The following ABCA13 variants were observed in gnomAD, a reference collection of about 807,000 sequenced individuals.
ABCA13 encodes the protein ATP binding cassette subfamily A member 13.
In ABCA13, 476 loss-of-function variants were observed where a neutral mutation model predicts 478.7. The observed-to-expected ratio is 0.99, with a 90% CI of 0.92 to 1.07. The LOEUF (loss-of-function observed/expected upper bound fraction) is 1.07, where lower values mean the gene tolerates loss of function less well. ABCA13 is among the 50% of genes least tolerant of loss of function. The pLI is 0.00. For synonymous variants in ABCA13, 2,252 were observed against 2,158.9 expected (o/e 1.04, Z -1.20); for missense variants, 6,060 against 5,910.6 (o/e 1.03, Z -0.83).
chr7:48,402,771 C>T (rs1308398177), intron 38 of ABCA13, among the ~76,000 whole-genome samples: 4 of 152,218 alleles, frequency 2.6e-5, no homozygotes, highest in African/African-American at 9.7e-5. Context: ...TCCTCTTCTG[C>T]CTGTCTAGCC....
intron 48 of ABCA13, among the ~76,000 whole-genome samples, chr7:48,492,462 A>G (rs1465601428): frequency 1.3e-5 from 2 of 152,206 alleles, no homozygotes; most frequent in African/African-American, 2.4e-5. Context: ...TCAAGCATTC[A>G]TATAATGACA....
intron 15 of ABCA13, among the ~76,000 whole-genome samples, chr7:48,254,291 T>G (rs972661947): frequency 1.3e-5 from 2 of 152,020 alleles, no homozygotes; most frequent in African/African-American, 4.8e-5. Context: ...AGAGGTAGAG[T>G]CTCACTCTAT....
At chr7:48,202,985 T>C (rs112013555) in intron 3 of ABCA13, among the ~76,000 whole-genome samples, 61,862 of 151,114 alleles carry the variant, frequency 0.41, 12,776 homozygotes, top group African/African-American at 0.49. Context: ...CGGGGAGGCT[T>C]GGGCTGCACA....
Position 48,275,732 on chromosome 7 carries a change from A to C in ABCA13, c.6066A>C (p.Leu2022=). 6.2e-7 allele frequency: 1 copy of C among 1,605,854 alleles called. No individual in the cohort carries two copies. The highest frequency in any genetic ancestry group is 1.3e-5 in the African/African-American group (1 of 74,888). The change falls in exon 17 of 62, where the codon CTA becomes CTC. Residue 2022 remains leucine (L), a synonymous_variant. Coordinates refer to ENST00000435803, the MANE Select transcript of ABCA13 (RefSeq NM_152701.5). ...DWSLEKSTHN[L]LSLFMMLQNA... ...GCCTAGAAAAAAGTACGCATAATCT[A>C]CTCTCTTTATTCATGATGCTCCAGA...
rs916318748 is a variant in ABCA13 at position 48,456,404 on chromosome 7, G to T, written c.12815+1118G>T. Among the ~76,000 whole-genome samples the T allele has an allele frequency of 6.6e-5, 10 of 152,044 alleles. 1 individual carries two copies. Among genetic ancestry groups the T allele is most frequent in the African/African-American group, 2.2e-4 (9 of 41,392 alleles). On this transcript the variant is annotated intron_variant, in intron 43 of 61. Transcript: ENST00000435803. ...TTGTCACACTCCTCAACTATAAAAG[G>T]GCTATCACTATTTTGAGTCTTTTGA...
intron 48 of ABCA13, among the ~76,000 whole-genome samples, chr7:48,500,182 C>T (rs1585607635): frequency 6.6e-6 from 1 of 152,188 alleles, no homozygotes; most frequent in African/African-American, 2.4e-5. Context: ...TAGGATTCCT[C>T]TTTATGAGAC....
intron 58 of ABCA13, among the ~76,000 whole-genome samples, chr7:48,599,501 A>G (rs1262455774): frequency 1.3e-5 from 2 of 152,122 alleles, no homozygotes; most frequent in Non-Finnish European, 2.9e-5. Context: ...ATGATTTGCA[A>G]ATATGTATTT....
intron 15 of ABCA13, 113 bp downstream of exon 15, chr7:48,249,464 C>A: frequency 7.3e-7 from 1 of 1,369,232 alleles, no homozygotes; most frequent in Non-Finnish European, 1.0e-6. Flanking sequence ...AAATGGGTGG[C>A]TCTCCAAGCA....
At chr7:48,313,963 G>A (rs1802147752) in intron 25 of ABCA13, among the ~76,000 whole-genome samples, 1 of 139,954 alleles carries the variant, frequency 7.1e-6, no homozygotes, top group Admixed American at 7.2e-5. Context: ...AATAGTGTAA[G>A]GACTTATGTG....
chr7:48,352,531 T>C (rs1257232162), intron 31 of ABCA13, 44 bp downstream of exon 31: 1 of 1,501,782 alleles, frequency 6.7e-7, no homozygotes, highest in East Asian at 2.4e-5. Context: ...AGAAGGGCCT[T>C]GCATTTGTCT....
chr7:48,564,825 G>A (rs1228608478), intron 55 of ABCA13, among the ~76,000 whole-genome samples: 2 of 152,096 alleles, frequency 1.3e-5, no homozygotes, highest in East Asian at 1.9e-4. Context: ...ATACAAATAT[G>A]TGTAAGCTAT....
Position 48,367,947 on chromosome 7 carries a change from G to A in ABCA13, c.10803+39G>A, listed in dbSNP as rs768905807. ...AACCTTGCCTGGGAGACAAAGATAG[G>A]GAGGCTGGGGACTTTGGAAATGGAT... On this transcript the variant is annotated intron_variant, in intron 32 of 61. Coordinates refer to ENST00000435803, the MANE Select transcript of ABCA13 (RefSeq NM_152701.5). 4.7e-6 allele frequency: 7 copies of A among 1,483,370 alleles called. No individual in the cohort carries two copies. In the Admixed American group the frequency reaches 1.2e-4, roughly 26 times the overall value. The allele number at this position is 1,483,370 out of a possible 1,614,324, so 91.9% of individuals were successfully genotyped here.
At chr7:48,577,423 C>T (rs1788288100) in intron 55 of ABCA13, among the ~76,000 whole-genome samples, 1 of 151,966 alleles carries the variant, frequency 6.6e-6, no homozygotes, top group African/African-American at 2.4e-5. Flanking sequence ...CTCTCATGAA[C>T]ATTAAAATAT....
intron 5 of ABCA13, among the ~76,000 whole-genome samples, chr7:48,227,042 TA>T (rs1332533993): frequency 6.6e-6 from 1 of 152,124 alleles, no homozygotes; most frequent in Non-Finnish European, 1.5e-5. Context: ...TCCTTGTCCA[TA>T]TTTTTAAGCC....
Position 48,276,233 on chromosome 7 carries a change from G to T in ABCA13, c.6567G>T (p.Leu2189=). The part of the protein sequence containing the change: ...GNFDVAFLTH[L]LNQEQLTNFS... Reference sequence around the variant, plus strand: ...TTGATGTTGCCTTTCTTACCCATCTGCTAAATCAAGAACAGCTGACTAATT... The same window carrying T: ...TTGATGTTGCCTTTCTTACCCATCTTCTAAATCAAGAACAGCTGACTAATT... Residue 2189 remains leucine, a synonymous_variant, in exon 17 of 62, where the codon CTG becomes CTT. Coordinates refer to ENST00000435803, the MANE Select transcript of ABCA13 (RefSeq NM_152701.5). 1.9e-6 allele frequency: 3 copies of T among 1,575,842 alleles called. No individual in the cohort carries two copies. The highest frequency in any genetic ancestry group is 2.6e-6 in the Non-Finnish European group (3 of 1,159,624).
At chr7:48,414,302 C>T (rs1033609006) in intron 41 of ABCA13, among the ~76,000 whole-genome samples, 2 of 152,058 alleles carry the variant, frequency 1.3e-5, no homozygotes, top group African/African-American at 2.4e-5. Flanking sequence ...AGCTTTTCTT[C>T]GTGACACTTC....
chr7:48,370,320 T>C (rs542474927), intron 32 of ABCA13, among the ~76,000 whole-genome samples: 3 of 152,216 alleles, frequency 2.0e-5, no homozygotes, highest in African/African-American at 7.2e-5. Context: ...TCTAGGTATA[T>C]GATATTATCA....
At chr7:48,410,988 TTTC>T (rs1818965450) in intron 40 of ABCA13, among the ~76,000 whole-genome samples, 6 of 83,640 alleles carry the variant, frequency 7.2e-5, no homozygotes, top group Non-Finnish European at 1.5e-4. Flanking sequence ...TCTTTCTTTC[TTTC>T]TTTCTTTCTT....
chr7:48,279,374 A>G lies in ABCA13; in HGVS notation c.8180A>G (p.Asn2727Ser), dbSNP rs1242718809. ...IPFLDKILSQ[N>S]STEIGSFLKM... ...TTTTTGGATAAAATATTATCACAAAACAGCACAGAAATAGGATCTTTCTTG... is the reference window on the plus strand; with the variant it reads ...TTTTTGGATAAAATATTATCACAAAGCAGCACAGAAATAGGATCTTTCTTG... Residue 2727 changes from asparagine (N) to serine (S), a missense_variant, in exon 18 of 62, where the codon AAC becomes AGC. By Grantham distance (46) the Asn-to-Ser change is conservative. Transcript: ENST00000435803. 1 of 1,594,164 alleles carries G rather than the reference A, an allele frequency of 6.3e-7. No homozygotes were observed. The highest frequency in any genetic ancestry group is 8.6e-7 in the Non-Finnish European group (1 of 1,168,444).
Sources: gnomAD v4.1 joint callset for allele counts (sites outside exome capture counted in the v4.1 genomes callset) on GRCh38, gnomAD v4.1.1 for gene constraint, MANE v1.5 for transcripts, NCBI Gene and HGNC (gene_info 2026-07-23, HGNC 2026-07-21) for gene names.